TTBK2: variants seen among roughly 807,000 people sequenced by gnomAD.
The protein encoded by TTBK2 is tau tubulin kinase 2, also known as tau-tubulin kinase 2.
Under a neutral mutation model 110.8 loss-of-function variants are expected in TTBK2, and 28 were observed. The observed-to-expected ratio is 0.25, with a 90% CI of 0.19 to 0.35. The LOEUF (loss-of-function observed/expected upper bound fraction) is 0.35. TTBK2 is among the 10% of genes least tolerant of loss of function. The pLI, the probability that TTBK2 is intolerant of heterozygous loss-of-function variation, is 1.00. For synonymous variants in TTBK2, 532 were observed against 527.3 expected (o/e 1.01, Z -0.12); for missense variants, 1,369 against 1,500.3 (o/e 0.91, Z 1.45).
At chr15:42,827,756 C>T (rs1288354615) in intron 6 of TTBK2, among the ~76,000 whole-genome samples, 172 bp downstream of exon 6, 1 of 151,960 alleles carries the variant, frequency 6.6e-6, no homozygotes, top group East Asian at 1.9e-4. Flanking sequence ...TTTTTGAAGC[C>T]ACAAATTTCA....
intron 9 of TTBK2, chr15:42,802,151 G>T: frequency 7.1e-7 from 1 of 1,402,574 alleles, no homozygotes; most frequent in Non-Finnish European, 1.0e-6. Flanking sequence ...TCCTGGGTGC[G>T]CACGGCCTGG....
At chr15:42,792,841 A>C (rs980737189) in intron 10 of TTBK2, among the ~76,000 whole-genome samples, 2 of 152,194 alleles carry the variant, frequency 1.3e-5, no homozygotes, top group Non-Finnish European at 2.9e-5. Context: ...TTTTCTGTGT[A>C]GCTTTAGTTT....
At chr15:42,789,682 A>C (rs1890561345) in intron 10 of TTBK2, among the ~76,000 whole-genome samples, 1 of 152,122 alleles carries the variant, frequency 6.6e-6, no homozygotes, top group Non-Finnish European at 1.5e-5. Context: ...TGCAGTGAGC[A>C]GAGATCATGT....
intron 1 of TTBK2, among the ~76,000 whole-genome samples, chr15:42,917,649 C>G (rs1274148948): frequency 6.6e-6 from 1 of 151,454 alleles, no homozygotes; most frequent in Non-Finnish European, 1.5e-5. Flanking sequence ...GAAAAAACTT[C>G]CACTACCACA....
intron 1 of TTBK2, among the ~76,000 whole-genome samples, chr15:42,909,590 T>C (rs1468196741): frequency 6.6e-6 from 1 of 152,118 alleles, no homozygotes; most frequent in Non-Finnish European, 1.5e-5. Context: ...ACATGAACAT[T>C]TTGGGGGGCC....
At chr15:42,762,124 G>A (rs548164838) in intron 13 of TTBK2, among the ~76,000 whole-genome samples, 1 of 152,300 alleles carries the variant, frequency 6.6e-6, no homozygotes, top group African/African-American at 2.4e-5. Context: ...GGAACTGTAA[G>A]TCCAATTAAA....
intron 3 of TTBK2, chr15:42,871,605 A>G: frequency 1.0e-6 from 1 of 985,234 alleles, no homozygotes; most frequent in Non-Finnish European, 1.2e-6. Flanking sequence ...ACCTGTTTGT[A>G]GCCTCTACAC....
intron 10 of TTBK2, among the ~76,000 whole-genome samples, chr15:42,786,707 G>A (rs981115888): frequency 2.6e-5 from 4 of 151,692 alleles, no homozygotes; most frequent in Admixed American, 6.6e-5. Context: ...CAAGGACCTC[G>A]TCCATCTTCT....
At chr15:42,914,925 T>C (rs1413248639) in intron 1 of TTBK2, among the ~76,000 whole-genome samples, 3 of 152,330 alleles carry the variant, frequency 2.0e-5, no homozygotes, top group Middle Eastern at 3.4e-3. Flanking sequence ...TTCCTTCTCC[T>C]GCAAATCTCT....
chr15:42,815,491 C>A (rs1891899767), intron 7 of TTBK2, among the ~76,000 whole-genome samples: 1 of 151,968 alleles, frequency 6.6e-6, no homozygotes, highest in Non-Finnish European at 1.5e-5. Flanking sequence ...TTTCCCAACT[C>A]CATGCAAAAA....
At chr15:42,796,653 A>G (rs1035062415) in intron 9 of TTBK2, among the ~76,000 whole-genome samples, 1 of 152,230 alleles carries the variant, frequency 6.6e-6, no homozygotes, top group African/African-American at 2.4e-5. Flanking sequence ...TATCAGTTGT[A>G]AATGTATAGT....
rs1000045139 is a variant in TTBK2, at chr15:42,775,419, G to A, written c.1714C>T (p.His572Tyr). 1 of 1,614,078 alleles carries A rather than the reference G, an allele frequency of 6.2e-7. No homozygotes were observed. The highest frequency in any genetic ancestry group is 1.3e-5 in the African/African-American group (1 of 74,918). The stretch of plus-strand genomic sequence containing the variant: ...TCAGAAGGACTTCCAGTTGTTTTAT[G>A]TCCTACAGCCTCATTTGTCCTAAAA... ...QDFRTNEAVG[H>Y]KTTGSPSDEE... The change falls in exon 13 of 15, where the codon CAT becomes TAT. Residue 572 changes from histidine (H) to tyrosine (Y), a missense_variant. His to Tyr is a moderately conservative substitution (Grantham distance 83, BLOSUM62 2). Around this residue, in one of 4 missense-constraint regions of TTBK2, gnomAD observed 1,097 missense variants for 1,114.7 expected, o/e 0.98. Coordinates refer to ENST00000267890, the MANE Select transcript of TTBK2 (RefSeq NM_173500.4).
intron 14 of TTBK2, among the ~76,000 whole-genome samples, chr15:42,749,848 T>C (rs1224544954): frequency 2.6e-5 from 4 of 152,102 alleles, no homozygotes; most frequent in Non-Finnish European, 5.9e-5. Context: ...AGTACAGGCT[T>C]AGAAAAGGTC....
Position 42,775,588 on chromosome 15 carries a change from G to A in TTBK2, c.1545C>T (p.Ala515=), listed in dbSNP as rs771555123. 7 of 1,614,136 alleles carry A rather than the reference G, an allele frequency of 4.3e-6. No individual in the cohort carries two copies. The highest frequency in any genetic ancestry group is 5.9e-6 in the Non-Finnish European group (7 of 1,180,026). Residue 515 remains alanine (A), a synonymous_variant, in exon 13 of 15, where the codon GCC becomes GCT. Coordinates refer to ENST00000267890, the MANE Select transcript of TTBK2 (RefSeq NM_173500.4). ...GGGTGTTGGCAGAAGCAGGCTTGGAGGCATCTGGAAGATATTCTTCATCAT... is the reference window on the plus strand; with the variant it reads ...GGGTGTTGGCAGAAGCAGGCTTGGAAGCATCTGGAAGATATTCTTCATCAT... ...WHYDEEYLPD[A]SKPASANTPE...
intron 3 of TTBK2, among the ~76,000 whole-genome samples, chr15:42,844,914 T>G (rs1893384553): frequency 6.6e-6 from 1 of 152,144 alleles, no homozygotes; most frequent in South Asian, 2.1e-4. Flanking sequence ...AGCACTAAAC[T>G]AGGCACTAGA....
chr15:42,889,349 G>A (rs1020538921), intron 1 of TTBK2, among the ~76,000 whole-genome samples: 2 of 152,278 alleles, frequency 1.3e-5, no homozygotes, highest in East Asian at 1.9e-4. Context: ...GAAGGCCACC[G>A]TGGTCATTTC....
chr15:42,848,042 G>C (rs909354602), intron 3 of TTBK2, among the ~76,000 whole-genome samples: 2 of 151,928 alleles, frequency 1.3e-5, no homozygotes, highest in African/African-American at 4.8e-5. Flanking sequence ...TAGAGATGCG[G>C]GTCTCACTAG....
chr15:42,863,881 G>A (rs1894257324), intron 3 of TTBK2, among the ~76,000 whole-genome samples: 1 of 152,162 alleles, frequency 6.6e-6, no homozygotes, highest in South Asian at 2.1e-4. Flanking sequence ...CTGGCCATAT[G>A]CAGAAAATTG....
At position 42,804,887 on chromosome 15, in the gene TTBK2, C is replaced by T. The variant is rs147903583; in HGVS notation, c.822+5727G>A. ...TTTGGGGCCACTGAACTGCTGTCAA[C>T]GAGAAGACTGAGAGAATAGCAGATG... On this transcript the variant is annotated intron_variant, in intron 9 of 14. Transcript: ENST00000267890. Among the ~76,000 whole-genome samples the T allele has an allele frequency of 1.8e-3, 275 of 152,258 alleles. 4 individuals carry two copies. The East Asian group carries it at 0.041, about 22-fold the overall frequency.
Sources: gnomAD v4.1 joint callset for allele counts (sites outside exome capture counted in the v4.1 genomes callset) on GRCh38, gnomAD v4.1.1 for gene constraint, gnomAD v4.1.1 regional missense constraint, MANE v1.5 for transcripts, NCBI Gene and HGNC (gene_info 2026-07-23, HGNC 2026-07-21) for gene names.